Variants in LARGE1 observed in about 807,000 individuals in gnomAD.
LARGE1 encodes the protein xylosyl- and glucuronyltransferase LARGE1.
A neutral mutation model predicts 87.6 loss-of-function variants in LARGE1; 43 were observed. That is an observed-to-expected ratio of 0.49 (90% CI 0.38 to 0.63). The LOEUF (loss-of-function observed/expected upper bound fraction) is 0.63. LARGE1 is among the 30% of genes least tolerant of loss of function. The pLI is 0.00. For missense variants in LARGE1, 802 were observed against 1,000.2 expected (o/e 0.80, Z 2.67); for synonymous variants, 434 against 394.6 (o/e 1.10, Z -1.18).
intron 6 of LARGE1, among the ~76,000 whole-genome samples, chr22:33,476,343 G>A (rs1306234871): frequency 6.6e-6 from 1 of 152,238 alleles, no homozygotes; most frequent in Non-Finnish European, 1.5e-5. Context: ...TGTGTTCAGT[G>A]AATGGATGAT....
chr22:33,122,159 C>G, the LARGE1 span, among the ~76,000 whole-genome samples: 2 of 152,248 alleles, frequency 1.3e-5, no homozygotes, highest in South Asian at 2.1e-4. Context: ...TCATAATTAA[C>G]TGGCTTGACC....
the LARGE1 span, among the ~76,000 whole-genome samples, chr22:33,105,134 A>G: frequency 1.3e-5 from 2 of 151,208 alleles, no homozygotes; most frequent in Admixed American, 1.3e-4. Flanking sequence ...AGTAGCTGGG[A>G]TTACAGGTGT....
chr22:33,337,907 GT>G, intron 9 of LARGE1, 106 bp from the exon 10 acceptor site: 1 of 1,255,936 alleles, frequency 8.0e-7, no homozygotes, highest in Non-Finnish European at 1.1e-6. Flanking sequence ...TTATTTGAGG[GT>G]CTGCTCATTC....
intron 7 of LARGE1, among the ~76,000 whole-genome samples, chr22:33,418,076 T>C (rs562501765): frequency 6.6e-6 from 1 of 152,264 alleles, no homozygotes; most frequent in South Asian, 2.1e-4. Context: ...GCCTCTCAAG[T>C]AGCTGGGACT....
At chr22:33,805,740 T>A (rs1002153017) in intron 1 of LARGE1, among the ~76,000 whole-genome samples, 36 of 83,616 alleles carry the variant, frequency 4.3e-4, no homozygotes, top group Admixed American at 1.1e-3. Context: ...TCTCAAAAAA[T>A]AAATAAATAA....
At chr22:33,871,099 G>A (rs1185693571) in intron 1 of LARGE1, among the ~76,000 whole-genome samples, 1 of 152,178 alleles carries the variant, frequency 6.6e-6, no homozygotes, top group African/African-American at 2.4e-5. Context: ...CTGATAGAAT[G>A]CTCTGCACTC....
intron 1 of LARGE1, among the ~76,000 whole-genome samples, chr22:33,863,825 T>C (rs1368609541): frequency 6.6e-6 from 1 of 151,966 alleles, no homozygotes; most frequent in African/African-American, 2.4e-5. Context: ...AATTGAAAAC[T>C]GTGGTTCCTG....
intron 6 of LARGE1, among the ~76,000 whole-genome samples, chr22:33,512,170 T>C (rs1352566495): frequency 6.6e-6 from 1 of 152,236 alleles, no homozygotes; most frequent in East Asian, 1.9e-4. Flanking sequence ...ACTGATATTG[T>C]AGATTAAGAG....
chr22:33,464,640 C>A (rs2068514728), intron 6 of LARGE1, among the ~76,000 whole-genome samples: 1 of 152,036 alleles, frequency 6.6e-6, no homozygotes, highest in Admixed American at 6.5e-5. Flanking sequence ...TGAAAAAATG[C>A]AAATTAATAT....
At chr22:33,634,766 C>T (rs1400023797) in intron 3 of LARGE1, among the ~76,000 whole-genome samples, 4 of 152,096 alleles carry the variant, frequency 2.6e-5, no homozygotes, top group African/African-American at 7.2e-5. Context: ...ACAGACCTGA[C>T]AGCAATAACC....
intron 5 of LARGE1, among the ~76,000 whole-genome samples, chr22:33,585,870 T>C (rs1602573642): frequency 2.0e-5 from 3 of 152,212 alleles, no homozygotes. Flanking sequence ...GGCTAATTTT[T>C]GTATTTTTAG....
At chr22:33,166,472 C>T in exon 12 of LARGE1, 1 of 304,350 alleles carries the variant, frequency 3.3e-6, no homozygotes, top group South Asian at 3.0e-5. Flanking sequence ...TTCAATCTTA[C>T]CACGGGGATG....
intron 6 of LARGE1, among the ~76,000 whole-genome samples, chr22:33,456,522 G>A (rs1375119097): frequency 6.6e-6 from 1 of 152,164 alleles, no homozygotes; most frequent in African/African-American, 2.4e-5. Flanking sequence ...ATCTTGTAAA[G>A]TCCTTTTTGC....
intron 1 of LARGE1, among the ~76,000 whole-genome samples, chr22:33,897,655 G>C (rs910372856): frequency 6.6e-6 from 1 of 152,212 alleles, no homozygotes; most frequent in Non-Finnish European, 1.5e-5. Context: ...TATTACGAGA[G>C]TCTAAGTGAC....
intron 11 of LARGE1, among the ~76,000 whole-genome samples, chr22:33,203,360 C>T (rs1018936367): frequency 1.3e-5 from 2 of 152,150 alleles, no homozygotes; most frequent in Non-Finnish European, 1.5e-5. Flanking sequence ...AGGAGAATGC[C>T]GGGAACCAGG....
intron 6 of LARGE1, among the ~76,000 whole-genome samples, chr22:33,498,271 C>G (rs2070247377): frequency 6.6e-6 from 1 of 152,028 alleles, no homozygotes; most frequent in Non-Finnish European, 1.5e-5. Flanking sequence ...GGGGAGGGTT[C>G]AGATTTAACT....
At chr22:33,223,519 G>A (rs1476309707) in intron 11 of LARGE1, among the ~76,000 whole-genome samples, 1 of 152,298 alleles carries the variant, frequency 6.6e-6, no homozygotes, top group Non-Finnish European at 1.5e-5. Flanking sequence ...TGCCTAAGAT[G>A]AGAATGACGC....
intron 1 of LARGE1, among the ~76,000 whole-genome samples, chr22:33,849,789 C>G (rs1007780073): frequency 3.3e-5 from 5 of 151,882 alleles, no homozygotes; most frequent in Admixed American, 6.6e-5. Flanking sequence ...TAACTACAGA[C>G]GGGGTTTCAC....
intron 5 of LARGE1, among the ~76,000 whole-genome samples, chr22:33,568,030 C>T (rs546185362): frequency 1.3e-5 from 2 of 152,238 alleles, no homozygotes; most frequent in East Asian, 1.9e-4. Context: ...TAAGTATATG[C>T]AGAATTAGGG....
Sources: allele counts gnomAD v4.1 joint callset (sites outside exome capture counted in the v4.1 genomes callset), GRCh38; gene constraint gnomAD v4.1.1; transcripts MANE v1.5; gene names NCBI Gene and HGNC (gene_info 2026-07-23, HGNC 2026-07-21).